The following DCAF1 variants were observed in gnomAD, a reference collection of about 807,000 sequenced individuals.
DCAF1 encodes the protein DDB1 and CUL4 associated factor 1, also known as DDB1- and CUL4-associated factor 1.
In DCAF1, 15 loss-of-function variants were observed where a neutral mutation model predicts 128.0. That is an observed-to-expected ratio of 0.12 (90% CI 0.08 to 0.18). DCAF1 has a LOEUF of 0.18. DCAF1 is among the 10% of genes least tolerant of loss of function. The pLI, the probability that DCAF1 is intolerant of heterozygous loss-of-function variation, is 1.00. For synonymous variants in DCAF1, 610 were observed against 603.0 expected (o/e 1.01, Z -0.17); for missense variants, 988 against 1,649.5 (o/e 0.60, Z 6.95).
At chr3:51,431,685 C>T (rs574382901) in intron 10 of DCAF1, among the ~76,000 whole-genome samples, 1 of 152,144 alleles carries the variant, frequency 6.6e-6, no homozygotes, top group East Asian at 1.9e-4. Context: ...AGTGTGGTAG[C>T]CCATGCCTAT....
chr3:51,444,890 T>C (rs1396457967), intron 6 of DCAF1, among the ~76,000 whole-genome samples: 1 of 150,196 alleles, frequency 6.7e-6, no homozygotes, highest in African/African-American at 2.5e-5. Context: ...TTAGCCAGGA[T>C]GGTCTCGATC....
intron 2 of DCAF1, among the ~76,000 whole-genome samples, 192 bp from the exon 3 acceptor site, chr3:51,484,028 T>C (rs1706605055): frequency 6.6e-6 from 1 of 152,164 alleles, no homozygotes; most frequent in Non-Finnish European, 1.5e-5. Flanking sequence ...TAGATACCCA[T>C]TCAGTAGTGA....
intron 6 of DCAF1, among the ~76,000 whole-genome samples, chr3:51,460,257 C>T: frequency 6.6e-6 from 1 of 152,090 alleles, no homozygotes; most frequent in Non-Finnish European, 1.5e-5. Context: ...TTCTTATACA[C>T]CAATAACACA....
chr3:51,473,995 A>G (rs1195814294), intron 3 of DCAF1, among the ~76,000 whole-genome samples: 1 of 151,428 alleles, frequency 6.6e-6, no homozygotes, highest in East Asian at 2.0e-4. Flanking sequence ...TTTTTGGTAG[A>G]GACAGGGTTT....
rs1042957626 is a variant in DCAF1 at position 51,398,342 on chromosome 3, T to G, written c.*427A>C. On this transcript the variant is annotated 3_prime_UTR_variant, in exon 25 of 25. Transcript: ENST00000684031. ...AAATGAAGTGCAGGGACAAGAGACC[T>G]GGTGGATATAAGTTCATACCCTCAG... The G allele has an allele frequency of 1.1e-4, 17 of 155,504 alleles. No individual in the cohort carries two copies. The highest frequency in any genetic ancestry group is 1.8e-4 in the Non-Finnish European group (13 of 70,332). The allele number at this position is 155,504 out of a possible 1,614,324, so 9.6% of individuals were successfully genotyped here.
chr3:51,472,909 C>A (rs1704925043), intron 3 of DCAF1, among the ~76,000 whole-genome samples: 1 of 149,136 alleles, frequency 6.7e-6, no homozygotes, highest in East Asian at 2.1e-4. Flanking sequence ...AGGTGATCTG[C>A]CCGCCTCAGC....
At chr3:51,400,845 A>G (rs2089628653) in intron 24 of DCAF1, among the ~76,000 whole-genome samples, 1 of 151,884 alleles carries the variant, frequency 6.6e-6, no homozygotes, top group Non-Finnish European at 1.5e-5. Context: ...TAAAGATCTC[A>G]GAATCAGGCC....
intron 2 of DCAF1, among the ~76,000 whole-genome samples, chr3:51,489,744 A>C (rs1707397895): frequency 6.6e-6 from 1 of 151,356 alleles, no homozygotes; most frequent in African/African-American, 2.4e-5. Flanking sequence ...CCAAGATTGC[A>C]CCAGTGCAAT....
At chr3:51,459,473 G>A (rs1186737225) in intron 6 of DCAF1, among the ~76,000 whole-genome samples, 2 of 152,174 alleles carry the variant, frequency 1.3e-5, no homozygotes, top group Admixed American at 6.6e-5. Context: ...AATTCTACCA[G>A]AGGTACAAAG....
rs782538657 is a variant in DCAF1, at chr3:51,430,020, G to A, written c.1467+13C>T. On this transcript the variant is annotated intron_variant, in intron 11 of 24. Coordinates refer to ENST00000684031, the MANE Select transcript of DCAF1 (RefSeq NM_001387579.1). ...CCTCAATCCTAGGGAGAAAAGCACT[G>A]AAAGAACCTCACCAAGTTCACCAGA... is the stretch of plus-strand genomic sequence containing the variant. 2 of 780,048 alleles carry A rather than the reference G, an allele frequency of 2.6e-6. No homozygotes were observed. Among genetic ancestry groups the A allele is most frequent in the Admixed American group, 3.4e-5 (2 of 58,936 alleles). The allele number at this position is 780,048 out of a possible 1,614,324, so 48.3% of individuals were successfully genotyped here.
In DCAF1 at chr3:51,422,894, T is replaced by C. The variant is rs553098012; in HGVS notation, c.1848-463A>G. Among the ~76,000 whole-genome samples the C allele has an allele frequency of 7.0e-4, 107 of 151,902 alleles. 1 individual carries two copies. Among genetic ancestry groups the C allele is most frequent in the South Asian group, 2.7e-3 (13 of 4,820 alleles). On this transcript the variant is annotated intron_variant, in intron 13 of 24. Coordinates refer to ENST00000684031, the MANE Select transcript of DCAF1 (RefSeq NM_001387579.1). ...GAATGGGCAACATGGTTTTATCTTTTTCTATAAAAAAAAAATATAAGATAT... is the reference window on the plus strand; with the variant it reads ...GAATGGGCAACATGGTTTTATCTTTCTCTATAAAAAAAAAATATAAGATAT...
intron 4 of DCAF1, among the ~76,000 whole-genome samples, chr3:51,470,035 A>G (rs1407626569): frequency 6.6e-6 from 1 of 152,038 alleles, no homozygotes; most frequent in African/African-American, 2.4e-5. Flanking sequence ...AAAAATAATA[A>G]TAATAAATAA....
intron 23 of DCAF1, among the ~76,000 whole-genome samples, 166 bp downstream of exon 23, chr3:51,412,213 T>A (rs1442453339): frequency 6.8e-6 from 1 of 147,478 alleles, no homozygotes; most frequent in Non-Finnish European, 1.5e-5. Flanking sequence ...AATCTTATAA[T>A]AAAATTTCTT....
At chr3:51,439,112 C>A (rs1701117777) in intron 9 of DCAF1, among the ~76,000 whole-genome samples, 1 of 151,992 alleles carries the variant, frequency 6.6e-6, no homozygotes, top group South Asian at 2.1e-4. Context: ...CCCTGTGAAA[C>A]CTTTACTGAG....
At chr3:51,432,906 A>G (rs1024449211) in intron 10 of DCAF1, among the ~76,000 whole-genome samples, 200 bp downstream of exon 10, 54 of 152,256 alleles carry the variant, frequency 3.5e-4, no homozygotes, top group Non-Finnish European at 7.3e-4. Flanking sequence ...AGAGTCAGAA[A>G]AAAATAGAAC....
At chr3:51,438,847 G>A (rs1436627495) in intron 9 of DCAF1, among the ~76,000 whole-genome samples, 3 of 152,210 alleles carry the variant, frequency 2.0e-5, no homozygotes, top group African/African-American at 7.2e-5. Context: ...CTGACCTCAG[G>A]TGATTCACCT....
chr3:51,493,161 C>G (rs749849270), intron 2 of DCAF1, among the ~76,000 whole-genome samples: 37 of 150,530 alleles, frequency 2.5e-4, no homozygotes, highest in Non-Finnish European at 4.4e-4. Flanking sequence ...GAACTGAAAA[C>G]AAGGCTGGGT....
chr3:51,413,196 A>G (rs549793390), intron 21 of DCAF1, 86 bp downstream of exon 21: 2 of 1,544,816 alleles, frequency 1.3e-6, no homozygotes, highest in African/African-American at 2.7e-5. Context: ...TCAATAAAAA[A>G]TTACAGGCCT....
At chr3:51,488,623 C>T (rs1453395542) in intron 2 of DCAF1, among the ~76,000 whole-genome samples, 3 of 151,968 alleles carry the variant, frequency 2.0e-5, no homozygotes, top group Non-Finnish European at 1.5e-5. Context: ...GCCAACATGG[C>T]GAAACCCCGT....
Sources: gnomAD v4.1 joint callset for allele counts (sites outside exome capture counted in the v4.1 genomes callset) on GRCh38, gnomAD v4.1.1 for gene constraint, MANE v1.5 for transcripts, NCBI Gene and HGNC (gene_info 2026-07-23, HGNC 2026-07-21) for gene names.